Variants in USP32 observed in about 807,000 individuals in gnomAD.
The protein encoded by USP32 is ubiquitin specific peptidase 32.
A neutral mutation model predicts 204.8 loss-of-function variants in USP32; 59 were observed. That is an observed-to-expected ratio of 0.29 (90% CI 0.23 to 0.36). The LOEUF (loss-of-function observed/expected upper bound fraction) is 0.36. Ranked by LOEUF, USP32 falls within the 10% of genes least tolerant of loss-of-function variation. The pLI, the probability that USP32 is intolerant of heterozygous loss-of-function variation, is 1.00. For synonymous variants in USP32, 517 were observed against 678.4 expected (o/e 0.76, Z 3.70); for missense variants, 1,160 against 1,946.4 (o/e 0.60, Z 7.60).
chr17:60,204,561 T>C (rs1289680446), intron 26 of USP32, among the ~76,000 whole-genome samples: 2 of 151,430 alleles, frequency 1.3e-5, no homozygotes, highest in African/African-American at 2.4e-5. Flanking sequence ...CTCTGCCTCC[T>C]GGGTTCAAGC....
intron 2 of USP32, among the ~76,000 whole-genome samples, chr17:60,324,495 T>C (rs2088185049): frequency 6.6e-6 from 1 of 152,036 alleles, no homozygotes; most frequent in Non-Finnish European, 1.5e-5. Context: ...TAGAATTTTA[T>C]ATTTATATTT....
intron 1 of USP32, among the ~76,000 whole-genome samples, chr17:60,371,917 C>T (rs1438439376): frequency 6.6e-6 from 1 of 152,170 alleles, no homozygotes; most frequent in African/African-American, 2.4e-5. Flanking sequence ...CCAAGGAAAA[C>T]AAACATTGTG....
At chr17:60,296,256 A>T (rs2087427149) in intron 3 of USP32, among the ~76,000 whole-genome samples, 1 of 152,208 alleles carries the variant, frequency 6.6e-6, no homozygotes, top group South Asian at 2.1e-4. Context: ...TGAAGTCCTA[A>T]CCTTGAAGTC....
chr17:60,278,055 T>A (rs2086880988), intron 5 of USP32, among the ~76,000 whole-genome samples: 1 of 151,884 alleles, frequency 6.6e-6, no homozygotes, highest in African/African-American at 2.4e-5. Context: ...TATACGCATG[T>A]GCTACCACAT....
intron 27 of USP32, among the ~76,000 whole-genome samples, chr17:60,193,218 T>C (rs1279628501): frequency 6.6e-6 from 1 of 152,238 alleles, no homozygotes; most frequent in African/African-American, 2.4e-5. Context: ...AAGCTAATCA[T>C]GAAATCAAAT....
chr17:60,235,914 T>A (rs913005585), intron 12 of USP32, among the ~76,000 whole-genome samples: 12 of 152,184 alleles, frequency 7.9e-5, no homozygotes, highest in Non-Finnish European at 1.5e-4. Flanking sequence ...AATATTATCT[T>A]TTTTTAGGGT....
At chr17:60,202,184 G>T (rs1263735468) in intron 26 of USP32, among the ~76,000 whole-genome samples, 1 of 152,124 alleles carries the variant, frequency 6.6e-6, no homozygotes, top group Non-Finnish European at 1.5e-5. Flanking sequence ...TCACCACTCT[G>T]CAATGTTATC....
At chr17:60,305,940 T>C (rs2087711384) in intron 2 of USP32, among the ~76,000 whole-genome samples, 1 of 152,170 alleles carries the variant, frequency 6.6e-6, no homozygotes, top group South Asian at 2.1e-4. Flanking sequence ...ATCCAGTTCA[T>C]TTGACAAATG....
chr17:60,262,627 G>A (rs1164107770), intron 9 of USP32, among the ~76,000 whole-genome samples: 1 of 152,068 alleles, frequency 6.6e-6, no homozygotes, highest in South Asian at 2.1e-4. Context: ...CAACTCCTGA[G>A]TTTTGTACCC....
At chr17:60,358,178 T>C (rs1288354873) in intron 1 of USP32, among the ~76,000 whole-genome samples, 1 of 152,230 alleles carries the variant, frequency 6.6e-6, no homozygotes, top group Non-Finnish European at 1.5e-5. Context: ...ATTTCAGCTA[T>C]ACTATGACTT....
At chr17:60,282,480 G>A (rs2086992451) in intron 5 of USP32, among the ~76,000 whole-genome samples, 1 of 152,028 alleles carries the variant, frequency 6.6e-6, no homozygotes, top group Non-Finnish European at 1.5e-5. Context: ...CAGCGTCCAA[G>A]GTAGCTGGGA....
At chr17:60,241,706 T>C (rs1011414900) in intron 11 of USP32, among the ~76,000 whole-genome samples, 2 of 152,224 alleles carry the variant, frequency 1.3e-5, no homozygotes, top group African/African-American at 4.8e-5. Context: ...TTACACATTT[T>C]AAATTAGATT....
intron 14 of USP32, 31 bp downstream of exon 14, chr17:60,223,380 T>C: frequency 6.3e-7 from 1 of 1,576,226 alleles, no homozygotes; most frequent in Non-Finnish European, 8.6e-7. Context: ...TGCAAGAGAA[T>C]AATTTTAAGT....
intron 1 of USP32, among the ~76,000 whole-genome samples, chr17:60,413,261 C>G (rs1172788094): frequency 6.6e-6 from 1 of 152,058 alleles, no homozygotes; most frequent in African/African-American, 2.4e-5. Context: ...GAACTGGGGT[C>G]CACTCACCTG....
intron 2 of USP32, among the ~76,000 whole-genome samples, chr17:60,310,299 T>C (rs1486978639): frequency 6.6e-6 from 1 of 152,182 alleles, no homozygotes; most frequent in Non-Finnish European, 1.5e-5. Flanking sequence ...CTAATGTTTA[T>C]TGCAGCACCA....
chr17:60,182,219 A>AAAGG, intron 31 of USP32, among the ~76,000 whole-genome samples: 1 of 152,238 alleles, frequency 6.6e-6, no homozygotes, highest in Non-Finnish European at 1.5e-5. Flanking sequence ...TTTTGGTTAT[A>AAAGG]GCCTCTTACC....
chr17:60,279,596 G>C (rs1327675600), intron 5 of USP32, among the ~76,000 whole-genome samples: 1 of 151,922 alleles, frequency 6.6e-6, no homozygotes, highest in Non-Finnish European at 1.5e-5. Context: ...TATCACTTTG[G>C]GAGGCTGAGG....
Position 60,271,409 on chromosome 17 carries a change from A to G in USP32, c.644T>C (p.Phe215Ser). The part of the protein sequence containing the change: ...LLKAQSRTGR[F>S]DLETFGPLVS... ...CAATGGGCCAAATGTCTCTAAATCA[A>G]ATCGTCCAGTCCGGGATTGAGCCTT... The change falls in exon 6 of 34, where the codon TTT (phenylalanine) becomes TCT (serine). Residue 215 changes from phenylalanine (F) to serine (S), a missense_variant. Phe to Ser is a radical substitution (Grantham distance 155). Coordinates refer to ENST00000300896, the MANE Select transcript of USP32 (RefSeq NM_032582.4). 1 of 1,614,140 alleles carries G rather than the reference A, an allele frequency of 6.2e-7. No homozygotes were observed. Among genetic ancestry groups the G allele is most frequent in the South Asian group, 1.1e-5 (1 of 91,084 alleles).
At chr17:60,320,190 ACCAATTTTAC>A (rs1404917474) in intron 2 of USP32, among the ~76,000 whole-genome samples, 1 of 152,190 alleles carries the variant, frequency 6.6e-6, no homozygotes, top group Non-Finnish European at 1.5e-5. Context: ...GTAGAATGAA[ACCAATTTTAC>A]CACAGGTTAA....
Sources: gnomAD v4.1 joint callset for allele counts (sites outside exome capture counted in the v4.1 genomes callset) on GRCh38, gnomAD v4.1.1 for gene constraint, MANE v1.5 for transcripts, NCBI Gene and HGNC (gene_info 2026-07-23, HGNC 2026-07-21) for gene names.